Variants in RGS7BP observed in about 807,000 individuals in gnomAD.
RGS7BP encodes the protein regulator of G protein signaling 7 binding protein.
RGS7BP carries 9 observed loss-of-function variants against 31.3 expected under a neutral mutation model. The ratio of observed to expected loss-of-function variants is 0.29; its 90% confidence interval spans 0.17 to 0.50. RGS7BP has a LOEUF of 0.50. Ranked by LOEUF, RGS7BP falls within the 20% of genes least tolerant of loss-of-function variation. The probability of loss-of-function intolerance (pLI) is 0.98; values close to 1 mark genes in which losing one functional copy is unlikely to be tolerated. For synonymous variants in RGS7BP, 115 were observed against 120.1 expected, an observed-to-expected ratio of 0.96 and a Z score of 0.28; for missense variants, 274 against 322.0, an observed-to-expected ratio of 0.85 and a Z score of 1.14.
At chr5:64,528,497 G>T (rs1050514528) in intron 2 of RGS7BP, among the ~76,000 whole-genome samples, 1 of 152,096 alleles carries the variant, frequency 6.6e-6, no homozygotes, top group African/African-American at 2.4e-5. Flanking sequence ...TCCCCTGTGA[G>T]CCTGAGTTTC....
chr5:64,595,162 A>T (rs1389760119), intron 4 of RGS7BP, among the ~76,000 whole-genome samples: 7 of 152,200 alleles, frequency 4.6e-5, no homozygotes. Flanking sequence ...AAATGAGAAC[A>T]GTGTGCTGCC....
chr5:64,559,386 C>A (rs1486947324), intron 2 of RGS7BP, among the ~76,000 whole-genome samples: 1 of 152,138 alleles, frequency 6.6e-6, no homozygotes, highest in Non-Finnish European at 1.5e-5. Flanking sequence ...GTGGAATTAG[C>A]TCTATGGCTG....
intron 3 of RGS7BP, among the ~76,000 whole-genome samples, chr5:64,577,784 C>T (rs908178646): frequency 2.0e-5 from 3 of 152,174 alleles, no homozygotes; most frequent in Non-Finnish European, 1.5e-5. Flanking sequence ...CACATAAACA[C>T]GCATACAGAG....
At chr5:64,555,773 G>A (rs1300367757) in intron 2 of RGS7BP, among the ~76,000 whole-genome samples, 1 of 152,046 alleles carries the variant, frequency 6.6e-6, no homozygotes, top group East Asian at 1.9e-4. Context: ...TTAACAAAAT[G>A]TCAAAATTTA....
chr5:64,577,057 T>C (rs150158753), intron 3 of RGS7BP, among the ~76,000 whole-genome samples: 272 of 140,624 alleles, frequency 1.9e-3, no homozygotes, highest in Middle Eastern at 3.6e-3. Flanking sequence ...AGATATTTCA[T>C]ATGAGGAAGC....
At chr5:64,537,987 T>C (rs1438806354) in intron 2 of RGS7BP, among the ~76,000 whole-genome samples, 1 of 152,208 alleles carries the variant, frequency 6.6e-6, no homozygotes, top group African/African-American at 2.4e-5. Flanking sequence ...TAATGTTTCA[T>C]CCAAGTAAAT....
intron 4 of RGS7BP, 94 bp downstream of exon 4, chr5:64,594,951 A>T: frequency 7.5e-7 from 1 of 1,337,416 alleles, no homozygotes; most frequent in Non-Finnish European, 1.1e-6. Context: ...GTTCAGATTC[A>T]GAAACAGAGC....
intron 3 of RGS7BP, among the ~76,000 whole-genome samples, chr5:64,580,056 G>A (rs972687788): frequency 1.3e-5 from 2 of 152,126 alleles, no homozygotes; most frequent in Non-Finnish European, 2.9e-5. Flanking sequence ...CTCTTTGGGA[G>A]GCTGTGGTTA....
chr5:64,506,610 G>A lies in RGS7BP; in HGVS notation c.-15G>A. On this transcript the variant is annotated 5_prime_UTR_variant, in exon 1 of 6. Coordinates refer to ENST00000334025, the MANE Select transcript of RGS7BP (RefSeq NM_001029875.3). This position sits in a 1 kb window ranked among gnomAD's most constrained non-coding sequence, Gnocchi z 4.6. ...CGCACTGCACCAGCGGCTTCGGCTTGGTGGATGTGTATGCATGAGTTCTGC... is the reference window on the plus strand; with the variant it reads ...CGCACTGCACCAGCGGCTTCGGCTTAGTGGATGTGTATGCATGAGTTCTGC... The A allele has an allele frequency of 6.3e-7, 1 of 1,575,046 alleles. No homozygotes were observed. Among genetic ancestry groups the A allele is most frequent in the Non-Finnish European group, 8.7e-7 (1 of 1,151,086 alleles).
intron 2 of RGS7BP, among the ~76,000 whole-genome samples, chr5:64,508,371 C>G (rs1748749616): frequency 6.6e-6 from 1 of 152,178 alleles, no homozygotes; most frequent in Non-Finnish European, 1.5e-5. Context: ...ATAAATTACT[C>G]TCTTCACTGT....
At chr5:64,564,146 C>T (rs1742115768) in intron 2 of RGS7BP, among the ~76,000 whole-genome samples, 1 of 152,170 alleles carries the variant, frequency 6.6e-6, no homozygotes, top group Admixed American at 6.6e-5. Context: ...GAAAAAACTT[C>T]AGTCATCTAG....
chr5:64,543,854 T>G (rs1741585439), intron 2 of RGS7BP, among the ~76,000 whole-genome samples: 1 of 152,244 alleles, frequency 6.6e-6, no homozygotes. Context: ...CAGAGGCCAT[T>G]AAACTGTAGA....
At chr5:64,523,629 G>A (rs1749163612) in intron 2 of RGS7BP, among the ~76,000 whole-genome samples, 1 of 152,154 alleles carries the variant, frequency 6.6e-6, no homozygotes, top group African/African-American at 2.4e-5. Context: ...GCACATTGTT[G>A]AGTGTTAAAA....
intron 3 of RGS7BP, among the ~76,000 whole-genome samples, chr5:64,588,043 G>A (rs1478264610): frequency 6.6e-6 from 1 of 152,068 alleles, no homozygotes; most frequent in Non-Finnish European, 1.5e-5. Context: ...ATTAATACTT[G>A]AAGAACAAAT....
intron 2 of RGS7BP, among the ~76,000 whole-genome samples, chr5:64,518,249 C>A (rs530174679): frequency 5.9e-5 from 9 of 152,138 alleles, no homozygotes; most frequent in African/African-American, 1.7e-4. Flanking sequence ...TCATGCCCAA[C>A]TCCAGAAGTC....
intron 2 of RGS7BP, among the ~76,000 whole-genome samples, chr5:64,542,957 G>T (rs572252587): frequency 6.6e-6 from 1 of 152,202 alleles, no homozygotes; most frequent in Admixed American, 6.5e-5. Context: ...TTTCTTTCTT[G>T]TGGAAGTAGA....
rs1348940039 is a variant in RGS7BP, at chr5:64,611,563, TG to T, written c.*2314del. 1 of 152,324 alleles carries T rather than the reference TG, an allele frequency of 6.6e-6. No homozygotes were observed. The highest frequency in any genetic ancestry group is 1.5e-5 in the Non-Finnish European group (1 of 67,908). 9.4% of individuals were successfully genotyped at this position (152,324 alleles called of 1,614,324 possible). On this transcript the variant is annotated 3_prime_UTR_variant, in exon 6 of 6. Transcript: ENST00000334025. ...AGGCTATAGTAGCTATTCATGGAGA[TG>T]GGAATTTGTCTAATTACCTAGCCAG...
At position 64,611,362 on chromosome 5, in the gene RGS7BP, C is replaced by T. The variant is rs1743497744; in HGVS notation, c.*2110C>T. 6.6e-6 allele frequency: 1 copy of T among 152,278 alleles called. No homozygotes were observed. The highest frequency in any genetic ancestry group is 6.6e-5 in the Admixed American group (1 of 15,212). 9.4% of individuals were successfully genotyped at this position (152,278 alleles called of 1,614,324 possible). On this transcript the variant is annotated 3_prime_UTR_variant, in exon 6 of 6. Coordinates refer to ENST00000334025, the MANE Select transcript of RGS7BP (RefSeq NM_001029875.3). ...CATGCAAAAGTTATTAACTGATAAG[C>T]CCAATCTTGTTCAGCACGTTCTTCT...
intron 2 of RGS7BP, among the ~76,000 whole-genome samples, chr5:64,561,915 T>C (rs1742065300): frequency 6.6e-6 from 1 of 151,792 alleles, no homozygotes; most frequent in South Asian, 2.1e-4. Context: ...CCTTTCATTC[T>C]GTTTCACCTA....
Sources: gnomAD v4.1 joint callset for allele counts (sites outside exome capture counted in the v4.1 genomes callset) on GRCh38, gnomAD v4.1.1 for gene constraint, Gnocchi (gnomAD v3.1) non-coding constraint, MANE v1.5 for transcripts, NCBI Gene and HGNC (gene_info 2026-07-23, HGNC 2026-07-21) for gene names.